CPLX1: variants seen among roughly 807,000 people sequenced by gnomAD.
The protein encoded by CPLX1 is complexin-1.
Under a neutral mutation model 15.6 loss-of-function variants are expected in CPLX1, and 6 were observed. That is an observed-to-expected ratio of 0.39 (90% CI 0.21 to 0.76). The LOEUF (loss-of-function observed/expected upper bound fraction) is 0.76. CPLX1 is among the 30% of genes least tolerant of loss of function. The pLI, the probability that CPLX1 is intolerant of heterozygous loss-of-function variation, is 0.43. For synonymous variants in CPLX1, 91 were observed against 75.2 expected, an observed-to-expected ratio of 1.21 and a Z score of -1.08; for missense variants, 242 against 188.6, an observed-to-expected ratio of 1.28 and a Z score of -1.66.
chr4:792,285 CCCTCCG>C, intron 3 of CPLX1, 142 bp downstream of exon 3: 1 of 697,850 alleles, frequency 1.4e-6, no homozygotes. Context: ...CACCCCTCAC[CCCTCCG>C]CCACTCTGAA....
chr4:801,263 A>C (rs1308220198), intron 2 of CPLX1, among the ~76,000 whole-genome samples: 3 of 152,040 alleles, frequency 2.0e-5, no homozygotes, highest in Admixed American at 6.6e-5. Context: ...TGGAGGTTGC[A>C]GTGAGCCGAG....
At chr4:822,749 C>T (rs890916271) in intron 2 of CPLX1, among the ~76,000 whole-genome samples, 2 of 152,314 alleles carry the variant, frequency 1.3e-5, no homozygotes, top group East Asian at 1.9e-4. Context: ...CTCACTCACA[C>T]GCATCCTGAG....
chr4:795,734 G>T (rs1746315556), intron 2 of CPLX1, among the ~76,000 whole-genome samples: 2 of 151,992 alleles, frequency 1.3e-5, no homozygotes, highest in Admixed American at 1.3e-4. Context: ...ACCCTCTGGG[G>T]AGGGAGTTCA....
chr4:787,295 C>T, intron 3 of CPLX1: 6 of 985,378 alleles, frequency 6.1e-6, no homozygotes, highest in South Asian at 4.7e-5. Context: ...CCCGCCTAGT[C>T]GTGCCCTCAG....
intron 2 of CPLX1, among the ~76,000 whole-genome samples, chr4:811,567 T>C (rs1366599748): frequency 2.0e-5 from 3 of 152,236 alleles, no homozygotes; most frequent in Admixed American, 6.5e-5. Context: ...TTGCATTTCA[T>C]TGTAGTTGGA....
At chr4:786,724 G>C (rs773014362) in intron 3 of CPLX1, 26 bp from the exon 4 acceptor site, 4 of 1,562,914 alleles carry the variant, frequency 2.6e-6, no homozygotes, top group Non-Finnish European at 3.5e-6. Context: ...GGGTCAGGGC[G>C]GGGGTCCCGG....
intron 3 of CPLX1, among the ~76,000 whole-genome samples, chr4:791,373 G>A (rs943167476): frequency 2.6e-5 from 4 of 152,264 alleles, no homozygotes; most frequent in Admixed American, 1.3e-4. Context: ...GCGAGGGACC[G>A]GAGGGTGTGG....
chr4:792,783 C>T (rs1746224228), intron 2 of CPLX1, 175 bp from the exon 3 acceptor site: 2 of 663,734 alleles, frequency 3.0e-6, no homozygotes, highest in Admixed American at 6.0e-5. Flanking sequence ...GGCCCTGACC[C>T]TCCTGCCCGG....
At position 786,348 on chromosome 4, in the gene CPLX1, G is replaced by T. The variant is rs1745986865; in HGVS notation, c.*153C>A. On this transcript the variant is annotated 3_prime_UTR_variant, in exon 4 of 4. Transcript: ENST00000304062. ...GTCCTGGGGGCGCGCGCCCCTTGCC[G>T]GGTGAGGGAGGCGGCGGGCGCGGGC... The T allele has an allele frequency of 6.5e-6, 5 of 768,184 alleles. No individual in the cohort carries two copies. Among genetic ancestry groups the T allele is most frequent in the Admixed American group, 3.8e-5 (1 of 26,608 alleles). The allele number at this position is 768,184 out of a possible 1,614,324, so 47.6% of individuals were successfully genotyped here. A position where few individuals can be genotyped will look rare whatever the true frequency, so the allele number is the denominator to read the frequency against.
intron 2 of CPLX1, among the ~76,000 whole-genome samples, chr4:804,077 G>T (rs1046373416): frequency 6.6e-6 from 1 of 152,264 alleles, no homozygotes; most frequent in African/African-American, 2.4e-5. Context: ...GGGGAACAAT[G>T]GTTGCACCAC....
chr4:810,038 C>A (rs1371626928), intron 2 of CPLX1, among the ~76,000 whole-genome samples: 1 of 148,786 alleles, frequency 6.7e-6, no homozygotes, highest in East Asian at 2.0e-4. Flanking sequence ...CTGTGTGGAT[C>A]TGCACTTTCT....
At chr4:822,067 C>T (rs536058571) in intron 2 of CPLX1, among the ~76,000 whole-genome samples, 39 of 152,278 alleles carry the variant, frequency 2.6e-4, no homozygotes, top group African/African-American at 7.5e-4. Flanking sequence ...ATTTCTAATG[C>T]GTCTCTCTCC....
chr4:822,095 G>C (rs1390765994), intron 2 of CPLX1, among the ~76,000 whole-genome samples: 1 of 142,782 alleles, frequency 7.0e-6, no homozygotes, highest in Non-Finnish European at 1.5e-5. Flanking sequence ...CTCTCCCTCT[G>C]TCTCTGTCTC....
At chr4:825,130 T>G (rs886272838) in intron 1 of CPLX1, among the ~76,000 whole-genome samples, 6 of 151,540 alleles carry the variant, frequency 4.0e-5, no homozygotes, top group African/African-American at 1.5e-4. Flanking sequence ...GTAGAAGAGA[T>G]CGGGGTTGGG....
chr4:807,696 C>T (rs937762972), intron 2 of CPLX1, among the ~76,000 whole-genome samples: 10 of 152,046 alleles, frequency 6.6e-5, no homozygotes, highest in African/African-American at 2.4e-4. Context: ...GTTGGTCAGG[C>T]TGGTCTCAAA....
intron 3 of CPLX1, among the ~76,000 whole-genome samples, chr4:788,999 C>A (rs1183860068): frequency 2.0e-5 from 3 of 152,210 alleles, no homozygotes; most frequent in Non-Finnish European, 2.9e-5. Flanking sequence ...TCCTTCTGGG[C>A]CCAGGAAGGA....
intron 2 of CPLX1, among the ~76,000 whole-genome samples, chr4:819,688 A>G (rs975898522): frequency 5.3e-5 from 8 of 152,208 alleles, no homozygotes; most frequent in African/African-American, 1.7e-4. Flanking sequence ...TGTTTGGAGT[A>G]GGACGGGCCC....
At chr4:806,802 A>C (rs1174820348) in intron 2 of CPLX1, among the ~76,000 whole-genome samples, 1 of 152,254 alleles carries the variant, frequency 6.6e-6, no homozygotes, top group Admixed American at 6.5e-5. Context: ...CAGTATGGTG[A>C]TTAAGATTAA....
Position 811,277 on chromosome 4 carries a change from G to A in CPLX1, c.31+13215C>T, listed in dbSNP as rs144182085. Among the ~76,000 whole-genome samples the A allele has an allele frequency of 3.0e-4, 46 of 152,276 alleles. No homozygotes were observed. In the East Asian group the frequency reaches 8.9e-3, roughly 29 times the overall value. Reference sequence around the variant, plus strand: ...TCCCACCTTGGCCTCCAATCAGCTAGTGCTACAGGTGCATACCACTGTGCC... The same window carrying A: ...TCCCACCTTGGCCTCCAATCAGCTAATGCTACAGGTGCATACCACTGTGCC... On this transcript the variant is annotated intron_variant, in intron 2 of 3. Coordinates refer to ENST00000304062, the MANE Select transcript of CPLX1 (RefSeq NM_006651.4).
Sources: allele counts gnomAD v4.1 joint callset (sites outside exome capture counted in the v4.1 genomes callset), GRCh38; gene constraint gnomAD v4.1.1; transcripts MANE v1.5; gene names NCBI Gene and HGNC (gene_info 2026-07-23, HGNC 2026-07-21).